Variants in TTC28 observed in about 807,000 individuals in gnomAD.
TTC28 encodes tetratricopeptide repeat protein 28.
Under a neutral mutation model 198.0 loss-of-function variants are expected in TTC28, and 61 were observed. The ratio of observed to expected loss-of-function variants is 0.31; its 90% confidence interval spans 0.25 to 0.38. The LOEUF (loss-of-function observed/expected upper bound fraction) is 0.38. TTC28 is among the 10% of genes least tolerant of loss of function. The pLI is 1.00. For missense variants in TTC28, 2,678 were observed against 3,164.0 expected (o/e 0.85, Z 3.69); for synonymous variants, 1,171 against 1,297.8 (o/e 0.90, Z 2.10).
In TTC28 at chr22:28,107,155, A is replaced by G. The variant is rs1387238627; in HGVS notation, c.2690T>C (p.Ile897Thr). ...AGATAAATATTGTTCATAGTATTTGATAGCTTCCTCATAGTCACCCAGGGC... is the reference window on the plus strand; with the variant it reads ...AGATAAATATTGTTCATAGTATTTGGTAGCTTCCTCATAGTCACCCAGGGC... ...YEALGDYEEA[I>T]KYYEQYLSVA... is the part of the protein sequence containing the mutation. Residue 897 changes from isoleucine (I) to threonine (T), a missense_variant, in exon 7 of 23, where the codon ATC (isoleucine) becomes ACC (threonine). Transcript: ENST00000397906. 3.2e-6 allele frequency: 5 copies of G among 1,551,750 alleles called. No individual in the cohort carries two copies. The highest frequency in any genetic ancestry group is 4.4e-6 in the Non-Finnish European group (5 of 1,147,008).
intron 1 of TTC28, among the ~76,000 whole-genome samples, chr22:28,631,702 A>G (rs1443269806): frequency 6.6e-6 from 1 of 151,792 alleles, no homozygotes; most frequent in East Asian, 1.9e-4. Flanking sequence ...TTTTTTTATT[A>G]TTTTGTAGAG....
chr22:28,625,083 T>G (rs1326040902), intron 2 of TTC28, among the ~76,000 whole-genome samples: 2 of 152,142 alleles, frequency 1.3e-5, no homozygotes, highest in Admixed American at 1.3e-4. Context: ...CTCCACCTGA[T>G]TAAGGACATC....
At chr22:28,582,679 C>G (rs2050249370) in intron 2 of TTC28, among the ~76,000 whole-genome samples, 1 of 151,940 alleles carries the variant, frequency 6.6e-6, no homozygotes, top group African/African-American at 2.4e-5. Context: ...AAATTAAAGA[C>G]AGACTGTAAA....
intron 6 of TTC28, among the ~76,000 whole-genome samples, chr22:28,122,962 T>C (rs1260433469): frequency 2.6e-5 from 4 of 152,196 alleles, no homozygotes; most frequent in Non-Finnish European, 5.9e-5. Flanking sequence ...TGTATTACAC[T>C]GGACAAGCGA....
At chr22:28,304,637 T>A (rs1410792073) in intron 3 of TTC28, among the ~76,000 whole-genome samples, 2 of 152,106 alleles carry the variant, frequency 1.3e-5, no homozygotes, top group African/African-American at 4.8e-5. Context: ...TCTGAGCTAT[T>A]TCCAGCAGCG....
chr22:28,470,318 G>C (rs1485634407), intron 2 of TTC28, among the ~76,000 whole-genome samples: 2 of 152,130 alleles, frequency 1.3e-5, no homozygotes, highest in African/African-American at 4.8e-5. Flanking sequence ...TTTTCATGCA[G>C]CTTAGCCTGA....
At chr22:28,596,902 T>G (rs2050551571) in intron 2 of TTC28, among the ~76,000 whole-genome samples, 1 of 152,144 alleles carries the variant, frequency 6.6e-6, no homozygotes. Flanking sequence ...AATGAAAAAG[T>G]AACATATATT....
intron 2 of TTC28, among the ~76,000 whole-genome samples, chr22:28,444,002 C>G (rs1449735465): frequency 6.6e-6 from 1 of 152,188 alleles, no homozygotes; most frequent in African/African-American, 2.4e-5. Flanking sequence ...CCCCAATGAA[C>G]TTTAATAGAT....
intron 14 of TTC28, among the ~76,000 whole-genome samples, chr22:28,006,173 C>T (rs1401386429): frequency 2.0e-5 from 3 of 152,028 alleles, no homozygotes; most frequent in Admixed American, 6.6e-5. Flanking sequence ...AGATGGGAGG[C>T]GAGGGGTGAA....
chr22:28,593,433 A>T (rs1282376491), intron 2 of TTC28, among the ~76,000 whole-genome samples: 4 of 152,048 alleles, frequency 2.6e-5, no homozygotes, highest in African/African-American at 9.7e-5. Flanking sequence ...AACCAGATAG[A>T]CAGACAGGTA....
intron 5 of TTC28, among the ~76,000 whole-genome samples, chr22:28,268,646 GT>G (rs1370839183): frequency 6.6e-6 from 1 of 152,134 alleles, no homozygotes; most frequent in African/African-American, 2.4e-5. Context: ...TCTTCTATAA[GT>G]ATGCATTTAA....
At chr22:28,390,163 A>C (rs964667239) in intron 2 of TTC28, among the ~76,000 whole-genome samples, 1 of 152,150 alleles carries the variant, frequency 6.6e-6, no homozygotes, top group Non-Finnish European at 1.5e-5. Flanking sequence ...TTGAGTGAGA[A>C]TCTTAACCCT....
chr22:28,270,757 G>C (rs961385554), intron 5 of TTC28, among the ~76,000 whole-genome samples: 1 of 152,150 alleles, frequency 6.6e-6, no homozygotes, highest in African/African-American at 2.4e-5. Flanking sequence ...CTGTCAGCCA[G>C]AGCCAGTGGC....
chr22:28,269,288 G>GT (rs2147321675), intron 5 of TTC28, among the ~76,000 whole-genome samples: 1 of 152,132 alleles, frequency 6.6e-6, no homozygotes, highest in Non-Finnish European at 1.5e-5. Context: ...ATGTCAAAGG[G>GT]TATTTGAATA....
At chr22:28,622,561 A>T (rs955787248) in intron 2 of TTC28, among the ~76,000 whole-genome samples, 13 of 152,320 alleles carry the variant, frequency 8.5e-5, no homozygotes, top group African/African-American at 2.6e-4. Context: ...AAAAACAGAA[A>T]GGACAAATTA....
intron 1 of TTC28, among the ~76,000 whole-genome samples, chr22:28,673,448 G>A (rs936015535): frequency 1.7e-4 from 26 of 152,106 alleles, no homozygotes; most frequent in African/African-American, 5.8e-4. Flanking sequence ...TACCTGGTAC[G>A]TACTTGGCAT....
At chr22:28,196,487 C>T (rs941444456) in intron 5 of TTC28, among the ~76,000 whole-genome samples, 239 of 152,220 alleles carry the variant, frequency 1.6e-3, no homozygotes, top group African/African-American at 5.3e-3. Flanking sequence ...AAACTACCAT[C>T]AGAGTGAACA....
chr22:28,166,841 A>G (rs1018802203), intron 5 of TTC28, among the ~76,000 whole-genome samples: 1 of 152,208 alleles, frequency 6.6e-6, no homozygotes, highest in Non-Finnish European at 1.5e-5. Flanking sequence ...ACTGAAGGAG[A>G]TAGAGACACA....
intron 5 of TTC28, among the ~76,000 whole-genome samples, chr22:28,247,872 G>A (rs573552934): frequency 1.3e-5 from 2 of 152,280 alleles, no homozygotes; most frequent in African/African-American, 4.8e-5. Flanking sequence ...GAATGGTTTT[G>A]ACTACCTACC....
Sources: gnomAD v4.1 joint callset for allele counts (sites outside exome capture counted in the v4.1 genomes callset) on GRCh38, gnomAD v4.1.1 for gene constraint, MANE v1.5 for transcripts, NCBI Gene and HGNC (gene_info 2026-07-23, HGNC 2026-07-21) for gene names.